The following AADAT variants were observed in gnomAD, a reference collection of about 807,000 sequenced individuals.
AADAT encodes the protein kynurenine/alpha-aminoadipate aminotransferase, mitochondrial.
A neutral mutation model predicts 56.2 loss-of-function variants in AADAT; 25 were observed. The observed-to-expected ratio is 0.44, with a 90% CI of 0.32 to 0.62. AADAT has a LOEUF of 0.62. Among genes scored for constraint, AADAT ranks in the 20% least tolerant of loss-of-function variants. AADAT has a pLI of 0.04. For synonymous variants in AADAT, 173 were observed against 164.7 expected, an observed-to-expected ratio of 1.05 and a Z score of -0.39; for missense variants, 387 against 510.5, an observed-to-expected ratio of 0.76 and a Z score of 2.33.
chr4:170,076,311 T>C (rs1419406140), intron 4 of AADAT, among the ~76,000 whole-genome samples: 2 of 152,144 alleles, frequency 1.3e-5, no homozygotes, highest in African/African-American at 2.4e-5. Context: ...TTTGATTTGC[T>C]TTTCTCTATT....
chr4:170,085,203 G>C (rs917688617), intron 3 of AADAT, among the ~76,000 whole-genome samples: 2 of 152,202 alleles, frequency 1.3e-5, no homozygotes, highest in African/African-American at 4.8e-5. Context: ...CTGGTCAAGA[G>C]TAGCCTATTG....
At chr4:170,085,682 A>G (rs1048548914) in intron 3 of AADAT, among the ~76,000 whole-genome samples, 1 of 152,166 alleles carries the variant, frequency 6.6e-6, no homozygotes, top group Non-Finnish European at 1.5e-5. Flanking sequence ...CTCTTATATC[A>G]TTCTATACAA....
intron 3 of AADAT, 25 bp from the exon 4 acceptor site, chr4:170,078,608 T>C (rs191785758): frequency 7.7e-6 from 12 of 1,553,572 alleles, no homozygotes; most frequent in Non-Finnish European, 1.1e-5. Context: ...ATAGGTTAGC[T>C]TGTTAGTCAG....
intron 5 of AADAT, among the ~76,000 whole-genome samples, chr4:170,070,952 G>A (rs1166915212): frequency 1.3e-5 from 2 of 152,060 alleles, no homozygotes; most frequent in African/African-American, 4.8e-5. Context: ...TCGCTCTGTC[G>A]CCCAGGCTGG....
chr4:170,063,438 C>T (rs1002266091), intron 11 of AADAT, among the ~76,000 whole-genome samples: 9 of 152,194 alleles, frequency 5.9e-5, no homozygotes, highest in Non-Finnish European at 1.0e-4. Context: ...CCACTTACCA[C>T]ATATTTTGAG....
chr4:170,066,120 T>C (rs2111148886), intron 10 of AADAT, among the ~76,000 whole-genome samples: 1 of 152,206 alleles, frequency 6.6e-6, no homozygotes, highest in Admixed American at 6.5e-5. Flanking sequence ...CTGAAATAAC[T>C]AAAATTTTTG....
chr4:170,068,523 C>T, intron 8 of AADAT, 68 bp downstream of exon 8: 2 of 1,203,664 alleles, frequency 1.7e-6, no homozygotes, highest in Non-Finnish European at 2.4e-6. Context: ...TGTGCTCTAC[C>T]ATCTATTATT....
rs149498762 is a variant in AADAT, at chr4:170,078,670, C to T, written c.370-87G>A. The T allele has an allele frequency of 2.1e-5, 18 of 860,478 alleles. 1 individual carries two copies. The highest frequency in any genetic ancestry group is 1.3e-4 in the East Asian group (5 of 37,266). 53.3% of individuals were successfully genotyped at this position (860,478 alleles called of 1,614,324 possible). On this transcript the variant is annotated intron_variant, in intron 3 of 12. Coordinates refer to ENST00000337664, the MANE Select transcript of AADAT (RefSeq NM_016228.4). ...AGAAGCCCATTTTTTAGTTTGAGCT[C>T]ACATGGTTCTAGAGTAAGAATTAGC...
chr4:170,088,315 T>C (rs1455559901), intron 2 of AADAT, 81 bp downstream of exon 2: 8 of 1,352,068 alleles, frequency 5.9e-6, no homozygotes, highest in Non-Finnish European at 8.0e-6. Context: ...AGAATATTTC[T>C]TTAATATTCT....
chr4:170,081,434 A>T (rs1323071857), intron 3 of AADAT, among the ~76,000 whole-genome samples: 1 of 152,208 alleles, frequency 6.6e-6, no homozygotes, highest in African/African-American at 2.4e-5. Flanking sequence ...AGAGAGATAA[A>T]TATCCAGGCC....
At chr4:170,092,336 G>A (rs144727237), upstream of AADAT, among the ~76,000 whole-genome samples, 1,679 of 152,338 alleles carry the variant, frequency 0.011, 17 homozygotes, top group Admixed American at 0.017. Flanking sequence ...GCACCCACAG[G>A]GAGGAGTAAA....
At chr4:170,069,305 G>T in intron 6 of AADAT, 75 bp from the exon 7 acceptor site, 1 of 1,179,310 alleles carries the variant, frequency 8.5e-7, no homozygotes, top group Non-Finnish European at 1.2e-6. Flanking sequence ...TGAATAGAGA[G>T]TAGAACAGGA....
At chr4:170,077,444 T>A (rs1396848665) in intron 4 of AADAT, among the ~76,000 whole-genome samples, 2 of 152,314 alleles carry the variant, frequency 1.3e-5, no homozygotes, top group East Asian at 3.9e-4. Flanking sequence ...TTTTATTCTT[T>A]TGGATGCTAT....
intron 3 of AADAT, among the ~76,000 whole-genome samples, chr4:170,079,074 G>A (rs1455207877): frequency 1.3e-5 from 2 of 152,098 alleles, no homozygotes; most frequent in Non-Finnish European, 2.9e-5. Context: ...TGGTCCACTG[G>A]GAAAGCTAGA....
At chr4:170,068,063 C>T (rs1046138783) in intron 8 of AADAT, among the ~76,000 whole-genome samples, 3 of 149,154 alleles carry the variant, frequency 2.0e-5, no homozygotes, top group Admixed American at 1.4e-4. Flanking sequence ...CGCTTGAACC[C>T]GGGATGCAGA....
Position 170,069,239 on chromosome 4 carries a change from G to T in AADAT, c.721-9C>A. 2 of 1,610,718 alleles carry T rather than the reference G, an allele frequency of 1.2e-6. No individual in the cohort carries two copies. The highest frequency in any genetic ancestry group is 1.3e-5 in the African/African-American group (1 of 74,904). ...AATGTTGGTACCCTGAACTTAAAAT[G>T]AAAAATAAAAAATACTGTTGGTCTG... On this transcript the variant is annotated splice_polypyrimidine_tract_variant and intron_variant, in intron 6 of 12. Coordinates refer to ENST00000337664, the MANE Select transcript of AADAT (RefSeq NM_016228.4).
intron 3 of AADAT, among the ~76,000 whole-genome samples, chr4:170,082,490 A>G (rs1334205430): frequency 6.6e-6 from 1 of 152,186 alleles, no homozygotes; most frequent in Non-Finnish European, 1.5e-5. Context: ...CTTAACCACA[A>G]AGGAAGACAG....
intron 3 of AADAT, among the ~76,000 whole-genome samples, chr4:170,085,929 T>C (rs1215435064): frequency 6.6e-6 from 1 of 152,060 alleles, no homozygotes; most frequent in Non-Finnish European, 1.5e-5. Context: ...TAAAGATAAA[T>C]GGGAGTCATA....
At chr4:170,091,104 C>T (rs535466082), upstream of AADAT, among the ~76,000 whole-genome samples, 54 of 152,366 alleles carry the variant, frequency 3.5e-4, no homozygotes, top group Non-Finnish European at 4.1e-4. Flanking sequence ...CTTGGCGCCT[C>T]CTCGGCCTCA....
Sources: gnomAD v4.1 joint callset for allele counts (sites outside exome capture counted in the v4.1 genomes callset) on GRCh38, gnomAD v4.1.1 for gene constraint, MANE v1.5 for transcripts, NCBI Gene and HGNC (gene_info 2026-07-23, HGNC 2026-07-21) for gene names.